The following AKAP9 variants were observed in gnomAD, a reference collection of about 807,000 sequenced individuals.
The protein encoded by AKAP9 is A-kinase anchor protein 9.
Under a neutral mutation model 488.5 loss-of-function variants are expected in AKAP9, and 311 were observed. The observed-to-expected ratio is 0.64, with a 90% CI of 0.58 to 0.70. The LOEUF (loss-of-function observed/expected upper bound fraction) is 0.70. Ranked by LOEUF, AKAP9 falls within the 30% of genes least tolerant of loss-of-function variation. AKAP9 has a pLI of 0.00. For synonymous variants in AKAP9, 1,462 were observed against 1,483.5 expected (o/e 0.99, Z 0.33); for missense variants, 4,215 against 4,374.5 (o/e 0.96, Z 1.03).
At chr7:92,016,070 C>G (rs1391475950) in intron 10 of AKAP9, 59 bp from the exon 11 acceptor site, 2 of 1,430,660 alleles carry the variant, frequency 1.4e-6, no homozygotes, top group African/African-American at 2.8e-5. Context: ...TATGTTTAAT[C>G]TTTAGAAGCA....
chr7:92,054,130 C>G (rs1407581281), intron 22 of AKAP9, among the ~76,000 whole-genome samples: 1 of 152,064 alleles, frequency 6.6e-6, no homozygotes, highest in Non-Finnish European at 1.5e-5. Flanking sequence ...AATTTCAGCT[C>G]AGTTTTTAAT....
At chr7:92,101,146 G>A in intron 45 of AKAP9, 90 bp downstream of exon 45, 3 of 1,302,254 alleles carry the variant, frequency 2.3e-6, no homozygotes, top group Middle Eastern at 5.5e-4. Flanking sequence ...ACAGTCTAAA[G>A]AAATTTAGGG....
At position 91,973,547 on chromosome 7, in the gene AKAP9, A is replaced by AT. The variant is rs1481734477; in HGVS notation, c.49-162dup. The stretch of plus-strand genomic sequence containing the variant: ...GGTTTATTCAGAAATGTTTCTTTGC[A>AT]TTCCAGTAGTTACATTAAAGACTGT... On this transcript the variant is annotated intron_variant, in intron 1 of 49. Transcript: ENST00000356239. 5.4e-6 allele frequency: 4 copies of AT among 736,594 alleles called. No homozygotes were observed. In the East Asian group the frequency reaches 1.1e-4, roughly 20 times the overall value. 45.6% of individuals were successfully genotyped at this position (736,594 alleles called of 1,614,324 possible).
Position 92,083,417 on chromosome 7 carries a change from G to C in AKAP9, c.8408G>C (p.Gly2803Ala). 2 of 1,613,928 alleles carry C rather than the reference G, an allele frequency of 1.2e-6. No individual in the cohort carries two copies. The highest frequency in any genetic ancestry group is 4.5e-5 in the East Asian group (2 of 44,850). ...CCACAAATTCTTGTTAAAAATGCAG[G>C]AATACAAATTAATTTACAGAGTGAA... ...QTPQILVKNA[G>A]IQINLQSECS... Residue 2803 changes from glycine (G) to alanine (A), a missense_variant, in exon 33 of 50, where the codon GGA becomes GCA. Gly to Ala is a moderately conservative substitution (Grantham distance 60, BLOSUM62 0). Transcript: ENST00000356239.
intron 28 of AKAP9, among the ~76,000 whole-genome samples, chr7:92,071,670 G>C (rs1811757639): frequency 6.6e-6 from 1 of 152,038 alleles, no homozygotes; most frequent in East Asian, 1.9e-4. Flanking sequence ...ACATTGTCTA[G>C]CTATATCTTA....
chr7:92,001,721 A>C lies in AKAP9; in HGVS notation c.1804A>C (p.Met602Leu), dbSNP rs772175325. Residue 602 changes from methionine (M) to leucine (L), a missense_variant, in exon 8 of 50, where the codon ATG becomes CTG. Coordinates refer to ENST00000356239, the MANE Select transcript of AKAP9 (RefSeq NM_005751.5). ...EVTNYKIKLEMLEKEKNAVLD... is the reference protein window; with the variant it reads ...EVTNYKIKLELLEKEKNAVLD... ...TACAAATTACAAGATAAAACTTGAA[A>C]TGTTAGAAAAAGAAAAGAATGCTGT... The C allele has an allele frequency of 6.2e-7, 1 of 1,612,742 alleles. No individual in the cohort carries two copies. Among genetic ancestry groups the C allele is most frequent in the Non-Finnish European group, 8.5e-7 (1 of 1,179,700 alleles).
intron 37 of AKAP9, among the ~76,000 whole-genome samples, chr7:92,087,776 C>T (rs1206956147): frequency 6.6e-6 from 1 of 151,456 alleles, no homozygotes; most frequent in Non-Finnish European, 1.5e-5. Flanking sequence ...GAAGGAGCTC[C>T]AATTGACCAA....
intron 36 of AKAP9, among the ~76,000 whole-genome samples, chr7:92,085,926 A>G (rs1373710130): frequency 6.6e-6 from 1 of 152,028 alleles, no homozygotes; most frequent in Non-Finnish European, 1.5e-5. Context: ...CAACATGTTG[A>G]AACCCGTCTC....
At chr7:92,073,481 G>A (rs1812072602) in intron 28 of AKAP9, among the ~76,000 whole-genome samples, 2 of 151,852 alleles carry the variant, frequency 1.3e-5, no homozygotes, top group Admixed American at 1.3e-4. Context: ...ACTCTAGCGT[G>A]GGCAACAGAG....
At chr7:91,955,794 C>T (rs577855480) in intron 1 of AKAP9, among the ~76,000 whole-genome samples, 106 of 152,170 alleles carry the variant, frequency 7.0e-4, no homozygotes, top group Middle Eastern at 3.4e-3. Context: ...CCACCATGCC[C>T]GGCTAATTTT....
intron 42 of AKAP9, 111 bp from the exon 43 acceptor site, chr7:92,097,998 A>G: frequency 1.0e-5 from 9 of 871,508 alleles, no homozygotes; most frequent in South Asian, 1.5e-5. Flanking sequence ...AGCATGGGAT[A>G]TAAGGGAGAA....
At chr7:91,953,513 T>C (rs1057186654) in intron 1 of AKAP9, among the ~76,000 whole-genome samples, 3 of 152,232 alleles carry the variant, frequency 2.0e-5, no homozygotes, top group African/African-American at 7.2e-5. Context: ...AGAACAATAA[T>C]AGTACCTGCC....
At chr7:92,062,904 G>T (rs1810132554) in intron 24 of AKAP9, among the ~76,000 whole-genome samples, 1 of 152,150 alleles carries the variant, frequency 6.6e-6, no homozygotes, top group African/African-American at 2.4e-5. Context: ...TGACTTGCAA[G>T]CAGAGTAGAT....
rs1431745958 is a variant in AKAP9 at position 92,102,745 on chromosome 7, C to T, written c.11249C>T (p.Thr3750Met). The change falls in exon 46 of 50, where the codon ACG becomes ATG. Residue 3750 changes from threonine to methionine, a missense_variant. By Grantham distance (81) the Thr-to-Met change is moderately conservative. Around this residue, in one of 5 missense-constraint regions of AKAP9, gnomAD observed 253 missense variants for 266.8 expected, o/e 0.95. Coordinates refer to ENST00000356239, the MANE Select transcript of AKAP9 (RefSeq NM_005751.5). The stretch of plus-strand genomic sequence containing the variant: ...CGGATGGGGGGGCAGCCAGCTTTCA[C>T]GGATCTAGAGGTGATCACCAATCGC... ...LARMGGQPAFTDLEVITNRPK... is the reference protein window; with the variant it reads ...LARMGGQPAFMDLEVITNRPK... The T allele has an allele frequency of 3.1e-6, 5 of 1,614,046 alleles. No individual in the cohort carries two copies. The highest frequency in any genetic ancestry group is 1.3e-5 in the African/African-American group (1 of 74,916).
In AKAP9 at chr7:92,080,043, T is replaced by A; in HGVS notation, c.7910T>A (p.Leu2637Ter). The stretch of plus-strand genomic sequence containing the variant: ...GTAGAAATTGCAGAAAAAAATGTTT[T>A]AGAAAAAGAAAAGAAGCTGCTAGAA... ...EQVEIAEKNV[L>*]EKEKKLLELQ... The change falls in exon 31 of 50, where the codon TTA becomes TAA. Residue 2637 changes from leucine to a stop codon, truncating the protein, a stop_gained. Transcript: ENST00000356239. LOFTEE classifies it high-confidence loss of function. 1 of 1,563,308 alleles carries A rather than the reference T, an allele frequency of 6.4e-7. No homozygotes were observed. Among genetic ancestry groups the A allele is most frequent in the Non-Finnish European group, 8.6e-7 (1 of 1,164,404 alleles).
intron 20 of AKAP9, among the ~76,000 whole-genome samples, chr7:92,043,777 A>G (rs952650463): frequency 2.0e-5 from 3 of 152,170 alleles, no homozygotes; most frequent in East Asian, 3.9e-4. Context: ...TCCATTTATT[A>G]TCTTGTCTTA....
Position 92,001,705 on chromosome 7 carries a change from C to G in AKAP9, c.1788C>G (p.Tyr596Ter). ...ELKHEAEVTN[Y>*]KIKLEMLEKE... ...AACATGAAGCAGAAGTTACAAATTA[C>G]AAGATAAAACTTGAAATGTTAGAAA... is the stretch of plus-strand genomic sequence containing the variant. The change falls in exon 8 of 50, where the codon TAC becomes TAG. Residue 596 changes from tyrosine to a stop codon, truncating the protein, a stop_gained. Transcript: ENST00000356239. LOFTEE classifies it high-confidence loss of function. The G allele has an allele frequency of 6.2e-7, 1 of 1,612,156 alleles. No individual in the cohort carries two copies. The highest frequency in any genetic ancestry group is 8.5e-7 in the Non-Finnish European group (1 of 1,179,530).
In AKAP9 at chr7:91,966,133, C is replaced by T. The variant is rs569432694; in HGVS notation, c.49-7578C>T. Among the ~76,000 whole-genome samples, 4 of 152,226 alleles carry T rather than the reference C, an allele frequency of 2.6e-5. No individual in the cohort carries two copies. In the East Asian group the frequency reaches 7.7e-4, roughly 29 times the overall value. ...TCTCAAACTCTCAGGCTCAAGTGATCCTCCTGCCTCGGCCTCCCATGGTGC... is the reference window on the plus strand; with the variant it reads ...TCTCAAACTCTCAGGCTCAAGTGATTCTCCTGCCTCGGCCTCCCATGGTGC... On this transcript the variant is annotated intron_variant, in intron 1 of 49. Transcript: ENST00000356239.
chr7:92,030,922 G>A (rs960299354), intron 15 of AKAP9, among the ~76,000 whole-genome samples: 11 of 152,070 alleles, frequency 7.2e-5, no homozygotes, highest in African/African-American at 2.4e-4. Flanking sequence ...TAAGATCATC[G>A]TTCTTCCTCG....
Sources: allele counts gnomAD v4.1 joint callset (sites outside exome capture counted in the v4.1 genomes callset), GRCh38; gene constraint gnomAD v4.1.1; regional missense constraint gnomAD v4.1.1; transcripts MANE v1.5; gene names NCBI Gene and HGNC (gene_info 2026-07-23, HGNC 2026-07-21).